Variants in LUZP2 observed in about 807,000 individuals in gnomAD.
The protein encoded by LUZP2 is leucine zipper protein 2.
A neutral mutation model predicts 51.6 loss-of-function variants in LUZP2; 52 were observed. That is an observed-to-expected ratio of 1.01 (90% CI 0.81 to 1.27). LUZP2 has a LOEUF of 1.27. Ranked by LOEUF, LUZP2 falls within the 50% of genes most tolerant of loss-of-function variation. The probability of loss-of-function intolerance (pLI) is 0.00; values close to 1 mark genes in which losing one functional copy is unlikely to be tolerated. For synonymous variants in LUZP2, 154 were observed against 137.3 expected (o/e 1.12, Z -0.85); for missense variants, 436 against 395.4 (o/e 1.10, Z -0.87).
chr11:24,614,689 G>A (rs956202686), intron 1 of LUZP2, among the ~76,000 whole-genome samples: 8 of 151,790 alleles, frequency 5.3e-5, no homozygotes, highest in Non-Finnish European at 1.0e-4. Flanking sequence ...ACTTTTCCTC[G>A]AGAAGGGACA....
intron 1 of LUZP2, among the ~76,000 whole-genome samples, chr11:24,501,785 C>G (rs1850000493): frequency 6.6e-6 from 1 of 152,058 alleles, no homozygotes; most frequent in African/African-American, 2.4e-5. Context: ...TATCCATAAT[C>G]TAGTCATACA....
chr11:24,921,715 T>C (rs911498049), intron 7 of LUZP2, among the ~76,000 whole-genome samples: 1 of 152,196 alleles, frequency 6.6e-6, no homozygotes, highest in Non-Finnish European at 1.5e-5. Context: ...CATTAAAACA[T>C]ATACAGGAAG....
intron 5 of LUZP2, among the ~76,000 whole-genome samples, chr11:24,862,543 C>T (rs1023386961): frequency 4.6e-5 from 7 of 152,062 alleles, no homozygotes; most frequent in African/African-American, 1.4e-4. Flanking sequence ...CAATACTAGC[C>T]TTAAATATAA....
At chr11:24,950,533 C>A (rs1855045369) in intron 7 of LUZP2, among the ~76,000 whole-genome samples, 1 of 151,428 alleles carries the variant, frequency 6.6e-6, no homozygotes, top group Admixed American at 6.6e-5. Context: ...AGGCATGCAA[C>A]CTCTCTAACC....
rs183158926 is a variant in LUZP2, at chr11:25,011,848, G to A, written c.765+28555G>A. On this transcript the variant is annotated intron_variant, in intron 9 of 11. Transcript: ENST00000336930. ...TTTATATCTGTTGGGAATATTTCAAGTTCTCTTTTCTAGAGAGAGAATATA... is the reference window on the plus strand; with the variant it reads ...TTTATATCTGTTGGGAATATTTCAAATTCTCTTTTCTAGAGAGAGAATATA... 6.7e-3 allele frequency among the ~76,000 whole-genome samples: 1,018 copies of A among 151,780 alleles called. 6 individuals are homozygous for A. The highest frequency in any genetic ancestry group is 0.011 in the Non-Finnish European group (736 of 67,902).
rs770909829 is a variant in LUZP2, at chr11:24,991,392, G to GTATATATATATATATA, written c.765+8100_765+8101insATATATATATATATAT. ...TGTATATATATGTGTGTGTGTGTGT[G>GTATATATATATATATA]TGTGTATATATATATATATATATAT... is the stretch of plus-strand genomic sequence containing the variant. On this transcript the variant is annotated intron_variant, in intron 9 of 11. Coordinates refer to ENST00000336930, the MANE Select transcript of LUZP2 (RefSeq NM_001009909.4). Among the ~76,000 whole-genome samples, 175 of 104,424 alleles carry GTATATATATATATATA rather than the reference G, an allele frequency of 1.7e-3. 1 individual carries two copies. The highest frequency in any genetic ancestry group is 2.7e-3 in the Non-Finnish European group (137 of 51,522). 68.5% of individuals were successfully genotyped at this position (104,424 alleles called of 152,430 possible).
intron 1 of LUZP2, among the ~76,000 whole-genome samples, chr11:24,619,631 T>C (rs1391663004): frequency 6.6e-6 from 1 of 152,134 alleles, no homozygotes; most frequent in Non-Finnish European, 1.5e-5. Flanking sequence ...GTGTGATTGG[T>C]TCCAGTACCT....
intron 5 of LUZP2, among the ~76,000 whole-genome samples, chr11:24,800,054 G>T (rs150768836): frequency 6.6e-6 from 1 of 151,038 alleles, no homozygotes; most frequent in African/African-American, 2.4e-5. Flanking sequence ...TTACATTTTA[G>T]AACATTTCAG....
intron 1 of LUZP2, 98 bp from the exon 2 acceptor site, chr11:24,729,071 C>CT (rs1472611741): frequency 1.8e-6 from 1 of 545,560 alleles, no homozygotes. Context: ...GAGGTTTTAA[C>CT]TTCTCTAGAT....
intron 7 of LUZP2, among the ~76,000 whole-genome samples, chr11:24,957,703 T>A (rs1855250039): frequency 1.3e-5 from 2 of 152,206 alleles, no homozygotes; most frequent in South Asian, 4.1e-4. Context: ...GAATAATATT[T>A]CCTTGTTTAT....
At chr11:24,503,629 C>A (rs1184972958) in intron 1 of LUZP2, among the ~76,000 whole-genome samples, 2 of 152,094 alleles carry the variant, frequency 1.3e-5, no homozygotes, top group African/African-American at 4.8e-5. Context: ...ATTGTGAACA[C>A]AAGAATGTGT....
intron 1 of LUZP2, among the ~76,000 whole-genome samples, chr11:24,502,269 C>T (rs185432718): frequency 6.9e-6 from 1 of 144,256 alleles, no homozygotes; most frequent in Admixed American, 6.8e-5. Flanking sequence ...ATGAAATTAA[C>T]AAGAAGCATA....
intron 5 of LUZP2, among the ~76,000 whole-genome samples, chr11:24,896,495 C>T (rs558859880): frequency 5.9e-5 from 9 of 152,262 alleles, no homozygotes; most frequent in East Asian, 1.9e-4. Context: ...ATGCTGCGCT[C>T]AAATTCTCGC....
At chr11:24,513,092 C>T (rs1850363342) in intron 1 of LUZP2, among the ~76,000 whole-genome samples, 1 of 152,110 alleles carries the variant, frequency 6.6e-6, no homozygotes, top group African/African-American at 2.4e-5. Flanking sequence ...GTTTTCCTTT[C>T]AGTCTCTGTT....
Position 24,926,317 on chromosome 11 carries a change from A to G in LUZP2, c.522+11779A>G, listed in dbSNP as rs570551275. 6.1e-5 allele frequency among the ~76,000 whole-genome samples: 6 copies of G among 98,600 alleles called. 1 individual carries two copies. The South Asian group carries it at 9.4e-4, about 15-fold the overall frequency. 64.7% of individuals were successfully genotyped at this position (98,600 alleles called of 152,430 possible). On this transcript the variant is annotated intron_variant, in intron 7 of 11. Coordinates refer to ENST00000336930, the MANE Select transcript of LUZP2 (RefSeq NM_001009909.4). ...TGTATATATATACGTGTGTATATAT[A>G]TACGTGTGTGTATATATATATACGT... is the stretch of plus-strand genomic sequence containing the variant.
chr11:24,861,553 GC>G lies in LUZP2; in HGVS notation c.397-44436del, dbSNP rs140603475. Reference sequence around the variant, plus strand: ...ATGCCCAACCCCAAGACACATAATTGCCGGGTCCGTCCCACACACCCGGGCT... The same window carrying G: ...ATGCCCAACCCCAAGACACATAATTGCGGGTCCGTCCCACACACCCGGGCT... On this transcript the variant is annotated intron_variant, in intron 5 of 11. Transcript: ENST00000336930. Among the ~76,000 whole-genome samples, 788 of 152,164 alleles carry G rather than the reference GC, an allele frequency of 5.2e-3. 1 individual carries two copies. Among genetic ancestry groups the G allele is most frequent in the Non-Finnish European group, 7.9e-3 (540 of 68,004 alleles).
intron 5 of LUZP2, among the ~76,000 whole-genome samples, chr11:24,883,786 A>G (rs564800482): frequency 6.6e-6 from 1 of 152,198 alleles, no homozygotes; most frequent in South Asian, 2.1e-4. Flanking sequence ...GCTATGTCTT[A>G]TGTACCTGTA....
intron 8 of LUZP2, among the ~76,000 whole-genome samples, chr11:24,982,200 C>T (rs1311358907): frequency 1.3e-5 from 2 of 151,764 alleles, no homozygotes; most frequent in African/African-American, 2.4e-5. Context: ...AGCAGTATGG[C>T]GATTCCTCAA....
intron 9 of LUZP2, among the ~76,000 whole-genome samples, chr11:25,018,896 A>G (rs1009706313): frequency 2.0e-5 from 3 of 152,110 alleles, no homozygotes; most frequent in African/African-American, 2.4e-5. Flanking sequence ...AAGTAAGCCA[A>G]TAAGTCCAGC....
Sources: gnomAD v4.1 joint callset for allele counts (sites outside exome capture counted in the v4.1 genomes callset) on GRCh38, gnomAD v4.1.1 for gene constraint, MANE v1.5 for transcripts, NCBI Gene and HGNC (gene_info 2026-07-23, HGNC 2026-07-21) for gene names.